GET4: variants seen among roughly 807,000 people sequenced by gnomAD.
The protein encoded by GET4 is guided entry of tail-anchored proteins factor 4, also known as Golgi to ER traffic protein 4 homolog.
GET4 carries 20 observed loss-of-function variants against 40.0 expected under a neutral mutation model. The observed-to-expected ratio is 0.50, with a 90% CI of 0.35 to 0.73. The LOEUF is 0.73. GET4 is among the 30% of genes least tolerant of loss of function. The pLI is 0.01. For missense variants in GET4, 557 were observed against 454.0 expected (o/e 1.23, Z -2.06); for synonymous variants, 280 against 194.6 (o/e 1.44, Z -3.65).
chr7:882,336 A>G (rs2128626962), intron 1 of GET4: 1 of 152,416 alleles, frequency 6.6e-6, no homozygotes. Flanking sequence ...TCACAGCCAC[A>G]GCAGTTGAAG....
intron 4 of GET4, among the ~76,000 whole-genome samples, chr7:889,163 G>A (rs1034332108): frequency 2.0e-5 from 3 of 152,378 alleles, no homozygotes; most frequent in African/African-American, 2.4e-5. Context: ...TGCGCTCGGC[G>A]CATCTGCAGA....
intron 8 of GET4, among the ~76,000 whole-genome samples, chr7:894,268 C>G (rs1286250370): frequency 6.6e-6 from 1 of 152,136 alleles, no homozygotes; most frequent in East Asian, 1.9e-4. Flanking sequence ...TCTCTGTGCG[C>G]CATGCTAGGT....
rs768608705 is a variant in GET4, at chr7:895,470, A to G, written c.*48A>G. On this transcript the variant is annotated 3_prime_UTR_variant, in exon 9 of 9. Transcript: ENST00000265857. ...ACCACGGTCGACGACGGCTGGAGGG[A>G]CGTTTCAGAGGCGAGTCCTGGGTGG... is the stretch of plus-strand genomic sequence containing the variant. 2.9e-6 allele frequency: 3 copies of G among 1,019,160 alleles called. No homozygotes were observed. Among genetic ancestry groups the G allele is most frequent in the Admixed American group, 3.7e-5 (2 of 53,792 alleles). The allele number at this position is 1,019,160 out of a possible 1,614,324, so 63.1% of individuals were successfully genotyped here.
chr7:876,812 C>G lies in GET4; in HGVS notation c.155+12C>G. The G allele has an allele frequency of 1.7e-6, 2 of 1,174,208 alleles. No individual in the cohort carries two copies. Among genetic ancestry groups the G allele is most frequent in the Non-Finnish European group, 2.1e-6 (2 of 938,094 alleles). The allele number at this position is 1,174,208 out of a possible 1,614,324, so 72.7% of individuals were successfully genotyped here. ...ACCCTGTTCTTCAGGTACCCGCGCC[C>G]GGCCCTCGCCGCAGCCCAGCGCCCG... On this transcript the variant is annotated intron_variant, in intron 1 of 8. Transcript: ENST00000265857.
chr7:886,545 C>G (rs1274175523), intron 2 of GET4, 24 bp from the exon 3 acceptor site: 2 of 1,571,932 alleles, frequency 1.3e-6, no homozygotes, highest in South Asian at 1.1e-5. Context: ...GTTCTTGATT[C>G]TTGTGTGTTG....
intron 1 of GET4, chr7:885,781 G>A (rs1018218793): frequency 1.1e-5 from 5 of 439,322 alleles, no homozygotes; most frequent in South Asian, 8.3e-5. Context: ...TACTGAAACC[G>A]GTGAGCTGCT....
intron 4 of GET4, among the ~76,000 whole-genome samples, 193 bp downstream of exon 4, chr7:887,712 G>A (rs1036244276): frequency 1.3e-5 from 2 of 152,212 alleles, no homozygotes; most frequent in Non-Finnish European, 2.9e-5. Flanking sequence ...GAGAAGCTGC[G>A]AGAAGGGGGG....
Position 888,446 on chromosome 7 carries a change from C to A in GET4, c.466+927C>A, listed in dbSNP as rs148688703. ...GCCTGGGCTGTGACAGGAGGCTCGGCGCCCTCAGGCACCTGGCAGGCTTTC... is the reference window on the plus strand; with the variant it reads ...GCCTGGGCTGTGACAGGAGGCTCGGAGCCCTCAGGCACCTGGCAGGCTTTC... On this transcript the variant is annotated intron_variant, in intron 4 of 8. Transcript: ENST00000265857. Among the ~76,000 whole-genome samples the A allele has an allele frequency of 2.9e-3, 447 of 152,356 alleles. 3 individuals carry two copies. Among genetic ancestry groups the A allele is most frequent in the African/African-American group, 0.01 (424 of 41,578 alleles).
In GET4 at chr7:877,053, C is replaced by T. The variant is rs941457182; in HGVS notation, c.155+253C>T. On this transcript the variant is annotated intron_variant, in intron 1 of 8. Coordinates refer to ENST00000265857, the MANE Select transcript of GET4 (RefSeq NM_015949.3). ...CTTCCTTCCCCTCTCCTGCGTTCCT[C>T]CTCGGCCTTCCCCTACTCCCAGCCT... Among the ~76,000 whole-genome samples the T allele has an allele frequency of 2.6e-5, 4 of 151,828 alleles. No individual in the cohort carries two copies. The East Asian group carries it at 5.8e-4, about 22-fold the overall frequency.
At chr7:886,956 T>G in intron 3 of GET4, 2 of 522,490 alleles carry the variant, frequency 3.8e-6, no homozygotes, top group South Asian at 2.0e-5. Flanking sequence ...GGGGCACCAC[T>G]TTGGCTTGTC....
chr7:881,639 C>T (rs962804946), intron 1 of GET4: 3 of 152,140 alleles, frequency 2.0e-5, no homozygotes, highest in African/African-American at 7.2e-5. Flanking sequence ...TTTATTTTAG[C>T]CTCGGGCAGG....
chr7:892,020 C>T (rs1349351605), intron 5 of GET4, among the ~76,000 whole-genome samples: 1 of 152,254 alleles, frequency 6.6e-6, no homozygotes, highest in Non-Finnish European at 1.5e-5. Context: ...GTCACGTAGT[C>T]AGGGCTCAGG....
At position 893,353 on chromosome 7, in the gene GET4, G is replaced by A. The variant is rs200484049; in HGVS notation, c.747-387G>A. Among the ~76,000 whole-genome samples, 362 of 121,090 alleles carry A rather than the reference G, an allele frequency of 3.0e-3. 24 individuals are homozygous for A. The East Asian group carries it at 0.067, about 22-fold the overall frequency. The allele number at this position is 121,090 out of a possible 152,430, so 79.4% of individuals were successfully genotyped here. On this transcript the variant is annotated intron_variant, in intron 6 of 8. Transcript: ENST00000265857. The stretch of plus-strand genomic sequence containing the variant: ...GGCGCGGGCGTGGTGGTGGTTGCAG[G>A]TGAGTGTTGGGTGTGGGCGTGGTGT...
intron 5 of GET4, 72 bp downstream of exon 5, chr7:891,138 C>G: frequency 1.6e-6 from 2 of 1,250,442 alleles, no homozygotes; most frequent in African/African-American, 1.5e-5. Flanking sequence ...AACAGGTCCC[C>G]TTGTCCCCTG....
At position 876,785 on chromosome 7, in the gene GET4, G is replaced by A. The variant is rs1264014436; in HGVS notation, c.140G>A (p.Arg47Gln). Residue 47 changes from arginine (R) to glutamine (Q), a missense_variant, in exon 1 of 9, where the codon CGG (arginine) becomes CAG (glutamine). By Grantham distance (43) the Arg-to-Gln change is conservative. Coordinates refer to ENST00000265857, the MANE Select transcript of GET4 (RefSeq NM_015949.3). ...TACTACGAGGCGCACCAGATGTACC[G>A]GACCCTGTTCTTCAGGTACCCGCGC... ...GDYYEAHQMY[R>Q]TLFFRYMSQS... The A allele has an allele frequency of 1.6e-6, 2 of 1,274,834 alleles. No homozygotes were observed. Among genetic ancestry groups the A allele is most frequent in the Non-Finnish European group, 2.0e-6 (2 of 995,778 alleles). The allele number at this position is 1,274,834 out of a possible 1,614,324, so 79.0% of individuals were successfully genotyped here.
intron 1 of GET4, among the ~76,000 whole-genome samples, chr7:877,021 G>T (rs1843969011): frequency 6.6e-6 from 1 of 151,558 alleles, no homozygotes; most frequent in Non-Finnish European, 1.5e-5. Flanking sequence ...TCTGACTCCC[G>T]CCTCGGCTTC....
In GET4 at chr7:892,407, G is replaced by C; in HGVS notation, c.735G>C (p.Leu245=). The change falls in exon 6 of 9, where the codon CTG becomes CTC. Residue 245 remains leucine, a synonymous_variant. Coordinates refer to ENST00000265857, the MANE Select transcript of GET4 (RefSeq NM_015949.3). ...TTAACTTCATCTGGTTCCTGCTGCT[G>C]GCTGTGGACGGGTGCGTCTTGGGAT... ...PLLNFIWFLL[L]AVDGGKLTVF... is the part of the protein sequence containing the mutation. 6.3e-7 allele frequency: 1 copy of C among 1,588,244 alleles called. No homozygotes were observed. The highest frequency in any genetic ancestry group is 8.6e-7 in the Non-Finnish European group (1 of 1,159,210).
intron 1 of GET4, chr7:883,708 C>T: frequency 2.0e-6 from 2 of 985,928 alleles, no homozygotes; most frequent in Non-Finnish European, 2.4e-6. Context: ...TGCCCAGCTG[C>T]CCCCCACTCT....
In GET4 at chr7:895,597, C is replaced by CTGTGCTGCTGGGACCCAA. The variant is rs1844464584; in HGVS notation, c.*176_*193dup. The CTGTGCTGCTGGGACCCAA allele has an allele frequency of 4.2e-6, 2 of 472,862 alleles. No homozygotes were observed. The highest frequency in any genetic ancestry group is 7.6e-6 in the Non-Finnish European group (2 of 263,412). 29.3% of individuals were successfully genotyped at this position (472,862 alleles called of 1,614,324 possible). The stretch of plus-strand genomic sequence containing the variant: ...CTCAGGGTGGCGCGGCTGCTGCTCA[C>CTGTGCTGCTGGGACCCAA]TGTGCTGCTGGGACCCAAGAGTGGG... On this transcript the variant is annotated 3_prime_UTR_variant, in exon 9 of 9. Coordinates refer to ENST00000265857, the MANE Select transcript of GET4 (RefSeq NM_015949.3).
Sources: gnomAD v4.1 joint callset for allele counts (sites outside exome capture counted in the v4.1 genomes callset) on GRCh38, gnomAD v4.1.1 for gene constraint, MANE v1.5 for transcripts, NCBI Gene and HGNC (gene_info 2026-07-23, HGNC 2026-07-21) for gene names.